The following ADAMTSL1 variants were observed in gnomAD, a reference collection of about 807,000 sequenced individuals.
ADAMTSL1 encodes ADAMTS like 1, also known as ADAMTS-like protein 1.
ADAMTSL1 carries 126 observed loss-of-function variants against 201.8 expected under a neutral mutation model. The ratio of observed to expected loss-of-function variants is 0.62; its 90% confidence interval spans 0.54 to 0.72. The LOEUF (loss-of-function observed/expected upper bound fraction) is 0.72. Among genes scored for constraint, ADAMTSL1 ranks in the 30% least tolerant of loss-of-function variants. The pLI, the probability that ADAMTSL1 is intolerant of heterozygous loss-of-function variation, is 0.00. For synonymous variants in ADAMTSL1, 1,121 were observed against 903.4 expected (o/e 1.24, Z -4.32); for missense variants, 2,679 against 2,277.8 (o/e 1.18, Z -3.59).
At chr9:18,714,388 A>G (rs1373388402) in intron 14 of ADAMTSL1, among the ~76,000 whole-genome samples, 1 of 152,172 alleles carries the variant, frequency 6.6e-6, no homozygotes, top group Non-Finnish European at 1.5e-5. Context: ...AATCAAATAG[A>G]TGCAATAAAA....
intron 1 of ADAMTSL1, among the ~76,000 whole-genome samples, chr9:18,124,190 C>A (rs1280690036): frequency 7.3e-6 from 1 of 137,846 alleles, no homozygotes; most frequent in East Asian, 2.4e-4. Flanking sequence ...TCAAGTGATT[C>A]TCCTGCCTCA....
chr9:18,092,031 T>A (rs1011101602), intron 1 of ADAMTSL1, among the ~76,000 whole-genome samples: 6 of 152,198 alleles, frequency 3.9e-5, no homozygotes, highest in Admixed American at 1.3e-4. Context: ...TTTCCTCTGA[T>A]ATTTTTGTTC....
chr9:18,717,222 A>G (rs1002743561), intron 14 of ADAMTSL1, among the ~76,000 whole-genome samples: 5 of 117,314 alleles, frequency 4.3e-5, no homozygotes, highest in Middle Eastern at 4.1e-3. Flanking sequence ...GTACCCTAAA[A>G]CTTAAAGTAT....
rs557145975 is a variant in ADAMTSL1 at position 18,896,260 on chromosome 9, C to T, written c.4851+3664C>T. ...TCTAAGTTGAAAAAGCCAAAGGGAC[C>T]CACACTAAGATTAAAATCAGTCTTA... On this transcript the variant is annotated intron_variant, in intron 26 of 28. Transcript: ENST00000380548. Among the ~76,000 whole-genome samples, 21 of 152,060 alleles carry T rather than the reference C, an allele frequency of 1.4e-4. 1 individual carries two copies. The highest frequency in any genetic ancestry group is 9.8e-4 in the Admixed American group (15 of 15,278).
intron 3 of ADAMTSL1, among the ~76,000 whole-genome samples, chr9:18,546,331 G>A (rs1820464717): frequency 6.6e-6 from 1 of 151,956 alleles, no homozygotes; most frequent in Non-Finnish European, 1.5e-5. Context: ...GGTTTTTTTA[G>A]AGACAGGATC....
chr9:18,367,526 T>C (rs568862412), intron 2 of ADAMTSL1, among the ~76,000 whole-genome samples: 1 of 152,206 alleles, frequency 6.6e-6, no homozygotes, highest in South Asian at 2.1e-4. Context: ...TTTGAATCTC[T>C]AATACTATTT....
At chr9:18,203,183 C>T (rs1195191559) in intron 2 of ADAMTSL1, among the ~76,000 whole-genome samples, 2 of 152,098 alleles carry the variant, frequency 1.3e-5, no homozygotes, top group East Asian at 3.9e-4. Context: ...TGGAGGCTCC[C>T]TGCTGAAGTC....
intron 1 of ADAMTSL1, among the ~76,000 whole-genome samples, chr9:18,069,846 A>G (rs1822878381): frequency 6.6e-6 from 1 of 152,228 alleles, no homozygotes; most frequent in African/African-American, 2.4e-5. Flanking sequence ...CAGAGAAAAG[A>G]ATCAATTAAA....
At chr9:18,782,545 G>C (rs10963756) in intron 19 of ADAMTSL1, among the ~76,000 whole-genome samples, 49,949 of 152,124 alleles carry the variant, frequency 0.33, 9,301 homozygotes, top group East Asian at 0.63. Flanking sequence ...ACGGCTGTAT[G>C]CCCAGTAACC....
chr9:18,649,336 T>C (rs1564117642), intron 7 of ADAMTSL1, among the ~76,000 whole-genome samples: 1 of 152,012 alleles, frequency 6.6e-6, no homozygotes, highest in Non-Finnish European at 1.5e-5. Context: ...GGTTTGAATT[T>C]CCTCCTGTAG....
intron 2 of ADAMTSL1, among the ~76,000 whole-genome samples, chr9:18,279,489 C>G (rs1056928714): frequency 6.6e-6 from 1 of 151,266 alleles, no homozygotes; most frequent in African/African-American, 2.4e-5. Context: ...ATCCTCTGAC[C>G]TTGCTTTTGT....
At chr9:18,890,619 T>G (rs1469963482) in intron 25 of ADAMTSL1, 2 of 455,712 alleles carry the variant, frequency 4.4e-6, no homozygotes, top group Non-Finnish European at 8.8e-6. Flanking sequence ...CTCATTAATA[T>G]CAGCAGTTTG....
chr9:18,775,479 ACT>A (rs1820922099), intron 17 of ADAMTSL1, among the ~76,000 whole-genome samples: 2 of 152,142 alleles, frequency 1.3e-5, no homozygotes, highest in South Asian at 4.1e-4. Flanking sequence ...ACACTCCATA[ACT>A]CTCTAACTCT....
chr9:17,952,176 A>G (rs1202846367), intron 1 of ADAMTSL1, among the ~76,000 whole-genome samples: 3 of 146,374 alleles, frequency 2.0e-5, no homozygotes, highest in Middle Eastern at 3.5e-3. Flanking sequence ...CAGGCCTTGA[A>G]CTCCTGAGCT....
chr9:18,487,737 C>T (rs555296068), intron 1 of ADAMTSL1, among the ~76,000 whole-genome samples: 2 of 152,114 alleles, frequency 1.3e-5, no homozygotes, highest in Admixed American at 6.6e-5. Context: ...TTAGAGCAAA[C>T]AAATCTTATT....
chr9:18,002,269 C>G (rs1200933174), intron 1 of ADAMTSL1, among the ~76,000 whole-genome samples: 1 of 151,904 alleles, frequency 6.6e-6, no homozygotes, highest in Non-Finnish European at 1.5e-5. Context: ...TCCATTTTTT[C>G]ACAGAAATAG....
chr9:18,140,590 C>A (rs1014469182), intron 1 of ADAMTSL1, among the ~76,000 whole-genome samples: 2 of 152,138 alleles, frequency 1.3e-5, no homozygotes, highest in African/African-American at 4.8e-5. Context: ...CTAGCACATA[C>A]CAAAATTCTA....
intron 1 of ADAMTSL1, among the ~76,000 whole-genome samples, chr9:18,003,687 G>A (rs377680335): frequency 2.0e-5 from 3 of 152,150 alleles, no homozygotes; most frequent in Non-Finnish European, 2.9e-5. Context: ...TTTCTTTGAT[G>A]TATTGTGCTG....
chr9:18,173,511 T>A (rs1009524547), intron 2 of ADAMTSL1, among the ~76,000 whole-genome samples: 1 of 152,160 alleles, frequency 6.6e-6, no homozygotes, highest in African/African-American at 2.4e-5. Context: ...ATAATTCTTT[T>A]TTCTTTATCA....
Sources: allele counts gnomAD v4.1 joint callset (sites outside exome capture counted in the v4.1 genomes callset), GRCh38; gene constraint gnomAD v4.1.1; transcripts MANE v1.5; gene names NCBI Gene and HGNC (gene_info 2026-07-23, HGNC 2026-07-21).